The following TRIM37 variants were observed in gnomAD, a reference collection of about 807,000 sequenced individuals.
TRIM37 encodes tripartite motif containing 37.
Under a neutral mutation model 129.8 loss-of-function variants are expected in TRIM37, and 80 were observed. The ratio of observed to expected loss-of-function variants is 0.62; its 90% CI spans 0.51 to 0.74. The LOEUF is 0.74. TRIM37 is among the 30% of genes least tolerant of loss of function. TRIM37 has a pLI of 0.00. For synonymous variants in TRIM37, 389 were observed against 387.1 expected, an observed-to-expected ratio of 1.00 and a Z score of -0.06; for missense variants, 1,054 against 1,176.5, an observed-to-expected ratio of 0.90 and a Z score of 1.52.
At chr17:59,080,015 T>A in intron 6 of TRIM37, 138 bp from the exon 7 acceptor site, 1 of 951,152 alleles carries the variant, frequency 1.1e-6, no homozygotes, top group Non-Finnish European at 1.6e-6. Flanking sequence ...CCAACTTGCT[T>A]ATATTTCAAA....
At chr17:58,983,505 T>C (rs1307002364) in intron 24 of TRIM37, 1 of 152,656 alleles carries the variant, frequency 6.6e-6, no homozygotes, top group Non-Finnish European at 1.5e-5. Context: ...CCTGTGCCCT[T>C]ATTTGCTGCT....
chr17:59,059,834 A>G (rs981936390), intron 12 of TRIM37, among the ~76,000 whole-genome samples: 1 of 152,198 alleles, frequency 6.6e-6, no homozygotes, highest in African/African-American at 2.4e-5. Context: ...TATCGAGACA[A>G]AAACTTCCTT....
At position 59,070,986 on chromosome 17, in the gene TRIM37, C is replaced by G. The variant is rs746150916; in HGVS notation, c.685-39G>C. 1.9e-6 allele frequency: 3 copies of G among 1,610,210 alleles called. No individual in the cohort carries two copies. The East Asian group carries it at 6.7e-5, about 36-fold the overall frequency. On this transcript the variant is annotated intron_variant, in intron 8 of 23. Transcript: ENST00000262294. ...AAAATTATCTGAACAAACAAAATTA[C>G]TATTCACTGCCACCTCAAAATTCTT...
At chr17:59,007,221 C>CCCAA (rs2034634190) in intron 22 of TRIM37, among the ~76,000 whole-genome samples, 1 of 42,402 alleles carries the variant, frequency 2.4e-5, no homozygotes, top group Non-Finnish European at 4.3e-5. Context: ...ACCACCCCAC[C>CCCAA]CCCACCCACC....
intron 13 of TRIM37, among the ~76,000 whole-genome samples, chr17:59,052,954 C>CA (rs796542472): frequency 8.6e-6 from 1 of 115,964 alleles, no homozygotes; most frequent in Admixed American, 8.9e-5. Flanking sequence ...AACTCTGTCT[C>CA]AAAAAATCAA....
chr17:58,980,996 T>C (rs2031326403), downstream of TRIM37: 2 of 1,612,144 alleles, frequency 1.2e-6, no homozygotes, highest in South Asian at 2.2e-5. This position sits in a 1 kb window ranked among gnomAD's most constrained non-coding sequence, Gnocchi z 4.7. Flanking sequence ...TGATATTCCA[T>C]GCCCAGATCT....
intron 8 of TRIM37, among the ~76,000 whole-genome samples, chr17:59,071,218 T>C (rs751894475): frequency 6.6e-6 from 1 of 151,930 alleles, no homozygotes; most frequent in Non-Finnish European, 1.5e-5. Flanking sequence ...AGTACAAATA[T>C]ACTTTCAGGC....
intron 10 of TRIM37, among the ~76,000 whole-genome samples, chr17:59,062,975 A>T (rs1225396286): frequency 6.6e-6 from 1 of 152,214 alleles, no homozygotes; most frequent in Admixed American, 6.5e-5. Flanking sequence ...AGTCTTCACC[A>T]TTAAAAATAA....
chr17:59,003,697 A>G (rs1344875824), intron 22 of TRIM37, among the ~76,000 whole-genome samples: 5 of 151,744 alleles, frequency 3.3e-5, no homozygotes, highest in African/African-American at 1.2e-4. Context: ...ACCCCAAATT[A>G]TTCAGCATAT....
intron 24 of TRIM37, among the ~76,000 whole-genome samples, chr17:58,986,262 G>T (rs2031800090): frequency 6.6e-6 from 1 of 151,652 alleles, no homozygotes; most frequent in Non-Finnish European, 1.5e-5. Context: ...GCAGTGACGT[G>T]ATCTTGGCTC....
chr17:58,973,815 T>C, the TRIM37 span, among the ~76,000 whole-genome samples: 1 of 151,608 alleles, frequency 6.6e-6, no homozygotes. Context: ...AGCTGGGTGT[T>C]GTGGCACACG....
intron 18 of TRIM37, among the ~76,000 whole-genome samples, chr17:59,030,138 A>C: frequency 6.6e-6 from 1 of 150,854 alleles, no homozygotes; most frequent in African/African-American, 2.4e-5. Flanking sequence ...ATGGAGTTTC[A>C]CTCGTTGCCC....
At chr17:59,009,090 C>T (rs1042029419) in intron 22 of TRIM37, among the ~76,000 whole-genome samples, 10 of 152,106 alleles carry the variant, frequency 6.6e-5, no homozygotes, top group Admixed American at 1.3e-4. Flanking sequence ...AGCACTGGCT[C>T]TAGGTTCAAA....
intron 19 of TRIM37, among the ~76,000 whole-genome samples, chr17:59,018,010 A>G (rs2036163430): frequency 6.6e-6 from 1 of 152,250 alleles, no homozygotes; most frequent in African/African-American, 2.4e-5. Flanking sequence ...ATTAACAAAT[A>G]TATAACCCGT....
intron 7 of TRIM37, among the ~76,000 whole-genome samples, chr17:59,079,412 C>A (rs1462489566): frequency 6.6e-6 from 1 of 152,146 alleles, no homozygotes; most frequent in Non-Finnish European, 1.5e-5. Context: ...ATGTCAGTTT[C>A]TTCATCCCCA....
chr17:59,002,737 G>C (rs998497179), intron 22 of TRIM37, among the ~76,000 whole-genome samples: 4 of 152,124 alleles, frequency 2.6e-5, no homozygotes, highest in African/African-American at 9.7e-5. Flanking sequence ...AGAAAGATAA[G>C]GAACTTTCAT....
intron 22 of TRIM37, among the ~76,000 whole-genome samples, chr17:59,005,318 C>T (rs2034342136): frequency 6.6e-6 from 1 of 152,030 alleles, no homozygotes; most frequent in Non-Finnish European, 1.5e-5. Flanking sequence ...GCGTCTCACT[C>T]TGTCACCCAG....
At chr17:59,046,098 C>T (rs2039769865) in intron 16 of TRIM37, among the ~76,000 whole-genome samples, 1 of 152,002 alleles carries the variant, frequency 6.6e-6, no homozygotes, top group South Asian at 2.1e-4. Context: ...CCTTAAATTG[C>T]AACTAATGAA....
intron 17 of TRIM37, among the ~76,000 whole-genome samples, chr17:59,037,539 C>A (rs1334013589): frequency 9.1e-6 from 1 of 110,116 alleles, no homozygotes; most frequent in Admixed American, 1.3e-4. Flanking sequence ...GCCCGGGCAA[C>A]AGAGCAAGAC....
Sources: allele counts gnomAD v4.1 joint callset (sites outside exome capture counted in the v4.1 genomes callset), GRCh38; gene constraint gnomAD v4.1.1; non-coding constraint Gnocchi (gnomAD v3.1); transcripts MANE v1.5; gene names NCBI Gene and HGNC (gene_info 2026-07-23, HGNC 2026-07-21).